Variants in MYLK observed in about 807,000 individuals in gnomAD.
The protein encoded by MYLK is myosin light chain kinase.
Under a neutral mutation model 203.4 loss-of-function variants are expected in MYLK, and 106 were observed. The ratio of observed to expected loss-of-function variants is 0.52; its 90% CI spans 0.45 to 0.61. MYLK has a LOEUF of 0.61. MYLK is among the 20% of genes least tolerant of loss of function. The pLI is 0.00. For missense variants in MYLK, 2,072 were observed against 2,442.3 expected (o/e 0.85, Z 3.20); for synonymous variants, 867 against 959.5 (o/e 0.90, Z 1.78).
intron 4 of MYLK, among the ~76,000 whole-genome samples, chr3:123,752,967 T>G (rs2063248607): frequency 6.6e-6 from 1 of 152,216 alleles, no homozygotes; most frequent in Admixed American, 6.5e-5. Flanking sequence ...ATGCATATCC[T>G]GCTTCTACAG....
At chr3:123,699,750 G>T (rs938024095) in intron 18 of MYLK, among the ~76,000 whole-genome samples, 2 of 152,228 alleles carry the variant, frequency 1.3e-5, no homozygotes, top group Non-Finnish European at 2.9e-5. Flanking sequence ...GATGGGTGCC[G>T]AGATGTGGGC....
Position 123,700,212 on chromosome 3 carries a change from C to T in MYLK, c.3256G>A (p.Asp1086Asn), listed in dbSNP as rs2061129565. 6.2e-7 allele frequency: 1 copy of T among 1,614,026 alleles called. No individual in the cohort carries two copies. Among genetic ancestry groups the T allele is most frequent in the Non-Finnish European group, 8.5e-7 (1 of 1,180,010 alleles). ...TGGCTCTCTGATCTCTTTTCATTAT[C>T]TGTGGTCCCTGCATGGCCTCTCTTG... is the stretch of plus-strand genomic sequence containing the variant. The part of the protein sequence containing the change: ...NCKRGHAGTT[D>N]NEKRSESQGT... Residue 1086 changes from aspartate (D) to asparagine (N), a missense_variant, in exon 18 of 34, where the codon GAT becomes AAT. By Grantham distance (23) the Asp-to-Asn change is conservative (BLOSUM62 1). Transcript: ENST00000360304.
At chr3:123,863,047 C>G (rs2032050578) in intron 2 of MYLK, among the ~76,000 whole-genome samples, 1 of 152,160 alleles carries the variant, frequency 6.6e-6, no homozygotes, top group South Asian at 2.1e-4. Flanking sequence ...GGGTTCAAAT[C>G]CTGGATCTGT....
intron 4 of MYLK, among the ~76,000 whole-genome samples, chr3:123,766,179 C>A (rs2063695718): frequency 6.6e-6 from 1 of 152,210 alleles, no homozygotes; most frequent in Non-Finnish European, 1.5e-5. Context: ...TATCCCTTTG[C>A]CAAATGTTAC....
chr3:123,845,511 G>A (rs2029874921), intron 2 of MYLK, among the ~76,000 whole-genome samples: 1 of 152,102 alleles, frequency 6.6e-6, no homozygotes, highest in Non-Finnish European at 1.5e-5. Context: ...GTTTTTTTGA[G>A]ACAAGGTCTC....
rs116072568 is a variant in MYLK, at chr3:123,770,318, C to T, written c.166-17780G>A. Among the ~76,000 whole-genome samples the T allele has an allele frequency of 6.7e-3, 1,013 of 152,192 alleles. 8 individuals are homozygous for T. Among genetic ancestry groups the T allele is most frequent in the African/African-American group, 0.023 (937 of 41,514 alleles). On this transcript the variant is annotated intron_variant, in intron 4 of 33. Coordinates refer to ENST00000360304, the MANE Select transcript of MYLK (RefSeq NM_053025.4). Reference sequence around the variant, plus strand: ...CAGCCTGGGCAATAAGAGCAAAATGCTTTCTCAAAATAAAATAAAACAAAG... The same window carrying T: ...CAGCCTGGGCAATAAGAGCAAAATGTTTTCTCAAAATAAAATAAAACAAAG...
chr3:123,651,428 A>G (rs1194078581), intron 24 of MYLK, among the ~76,000 whole-genome samples: 1 of 152,206 alleles, frequency 6.6e-6, no homozygotes, highest in Non-Finnish European at 1.5e-5. Context: ...TGGACCAGTC[A>G]CTGGACTAGG....
At chr3:123,726,615 C>A (rs894069343) in intron 11 of MYLK, among the ~76,000 whole-genome samples, 1 of 152,088 alleles carries the variant, frequency 6.6e-6, no homozygotes, top group South Asian at 2.1e-4. Context: ...CACATGTGCT[C>A]CAGTTTTCTA....
intron 19 of MYLK, among the ~76,000 whole-genome samples, chr3:123,687,814 G>A (rs1441999720): frequency 6.6e-6 from 1 of 152,066 alleles, no homozygotes; most frequent in Non-Finnish European, 1.5e-5. Context: ...TGGGACTACA[G>A]GCATGCCCCA....
At chr3:123,724,895 C>A (rs115729370) in intron 12 of MYLK, among the ~76,000 whole-genome samples, 5,918 of 152,110 alleles carry the variant, frequency 0.039, 235 homozygotes, top group South Asian at 0.1. Flanking sequence ...AGGCACCTGG[C>A]ACCATGTTCG....
At chr3:123,749,074 A>AAATAC (rs147169369) in intron 5 of MYLK, among the ~76,000 whole-genome samples, 1 of 142,244 alleles carries the variant, frequency 7.0e-6, no homozygotes, top group Non-Finnish European at 1.5e-5. Context: ...GTCTCAGAAA[A>AAATAC]ATACATACAT....
intron 4 of MYLK, among the ~76,000 whole-genome samples, chr3:123,786,114 C>T (rs2064508955): frequency 6.6e-6 from 1 of 151,978 alleles, no homozygotes; most frequent in South Asian, 2.1e-4. Context: ...ACCAGCCTAG[C>T]CAACATGGTG....
chr3:123,873,832 T>G (rs1027174579), intron 2 of MYLK, among the ~76,000 whole-genome samples: 5 of 152,114 alleles, frequency 3.3e-5, no homozygotes, highest in African/African-American at 1.2e-4. Flanking sequence ...ATTAAAATAC[T>G]AAATCAATTG....
intron 4 of MYLK, among the ~76,000 whole-genome samples, chr3:123,763,014 A>C (rs1448864225): frequency 6.6e-6 from 1 of 152,232 alleles, no homozygotes; most frequent in South Asian, 2.1e-4. Context: ...CTGCCCCCAC[A>C]TAAATCCATC....
intron 29 of MYLK, among the ~76,000 whole-genome samples, chr3:123,632,167 G>A (rs1045479401): frequency 2.0e-5 from 3 of 152,058 alleles, no homozygotes; most frequent in African/African-American, 4.8e-5. Context: ...GAGCCACCGC[G>A]CCTAGCCAGC....
chr3:123,748,521 G>A (rs2063090310), intron 5 of MYLK, among the ~76,000 whole-genome samples: 1 of 152,150 alleles, frequency 6.6e-6, no homozygotes, highest in South Asian at 2.1e-4. Context: ...TGTGGCTATT[G>A]AGCACTCAGC....
rs189043466 is a variant in MYLK, at chr3:123,707,086, G to A, written c.2390+668C>T. ...CTCCCTCTTCGATCACTAGCTCTGG[G>A]GAAGCCAGCTGCCATGCTAAAAAAG... On this transcript the variant is annotated intron_variant, in intron 16 of 33. Coordinates refer to ENST00000360304, the MANE Select transcript of MYLK (RefSeq NM_053025.4). 1.6e-4 allele frequency among the ~76,000 whole-genome samples: 25 copies of A among 152,228 alleles called. No homozygotes were observed. In the East Asian group the frequency reaches 3.9e-3, roughly 24 times the overall value.
intron 13 of MYLK, among the ~76,000 whole-genome samples, chr3:123,713,623 G>C (rs1427330200): frequency 4.1e-5 from 4 of 97,320 alleles, no homozygotes; most frequent in Non-Finnish European, 2.3e-5. Context: ...GTGTGTGTGT[G>C]TGTGTGTATT....
At chr3:123,663,470 C>A (rs2059632335) in intron 23 of MYLK, among the ~76,000 whole-genome samples, 1 of 152,068 alleles carries the variant, frequency 6.6e-6, no homozygotes, top group African/African-American at 2.4e-5. Context: ...TAGAGACTCA[C>A]CCCTGTCAGA....
Sources: allele counts gnomAD v4.1 joint callset (sites outside exome capture counted in the v4.1 genomes callset), GRCh38; gene constraint gnomAD v4.1.1; transcripts MANE v1.5; gene names NCBI Gene and HGNC (gene_info 2026-07-23, HGNC 2026-07-21).